The following USH2A variants were observed in gnomAD, a reference collection of about 807,000 sequenced individuals.
USH2A encodes Usher syndrome 2A (autosomal recessive, mild).
USH2A carries 443 observed loss-of-function variants against 538.9 expected under a neutral mutation model. That is an observed-to-expected ratio of 0.82 (90% CI 0.76 to 0.89). The LOEUF (loss-of-function observed/expected upper bound fraction) is 0.89. Among genes scored for constraint, USH2A ranks in the 40% least tolerant of loss-of-function variants. The pLI is 0.00. For missense variants in USH2A, 6,633 were observed against 6,324.8 expected (o/e 1.05, Z -1.65); for synonymous variants, 2,413 against 2,273.5 (o/e 1.06, Z -1.75).
At chr1:215,884,081 A>T (rs556122186) in intron 41 of USH2A, among the ~76,000 whole-genome samples, 7 of 152,202 alleles carry the variant, frequency 4.6e-5, no homozygotes, top group African/African-American at 4.8e-5. Flanking sequence ...GGTGGAGGGT[A>T]ACGGGAGGGA....
intron 61 of USH2A, 49 bp downstream of exon 61, chr1:215,727,981 G>A (rs777289288): frequency 1.4e-5 from 22 of 1,573,730 alleles, no homozygotes; most frequent in African/African-American, 2.7e-5. Context: ...TAATTTCAAC[G>A]TATTCACCAG....
intron 35 of USH2A, among the ~76,000 whole-genome samples, chr1:215,973,032 A>C (rs1667533028): frequency 6.6e-6 from 1 of 152,190 alleles, no homozygotes; most frequent in Admixed American, 6.5e-5. Flanking sequence ...TGACCAAAAA[A>C]TTCTTACATG....
chr1:216,361,879 A>G (rs932178446), intron 4 of USH2A, among the ~76,000 whole-genome samples: 1 of 152,214 alleles, frequency 6.6e-6, no homozygotes, highest in African/African-American at 2.4e-5. Context: ...AACACAAAAG[A>G]GTACCTACTT....
chr1:216,102,016 C>T (rs188642958), intron 21 of USH2A, among the ~76,000 whole-genome samples: 96 of 151,986 alleles, frequency 6.3e-4, no homozygotes, highest in African/African-American at 2.2e-3. Context: ...AATTCTTAAA[C>T]GATAAATGTG....
chr1:216,146,069 C>T (rs1278173065), intron 21 of USH2A, among the ~76,000 whole-genome samples: 4 of 152,178 alleles, frequency 2.6e-5, no homozygotes, highest in East Asian at 1.9e-4. Context: ...TGCTGTGACT[C>T]GGATCGGGGG....
At chr1:215,906,899 C>T (rs1665652226) in intron 38 of USH2A, among the ~76,000 whole-genome samples, 1 of 151,994 alleles carries the variant, frequency 6.6e-6, no homozygotes, top group Non-Finnish European at 1.5e-5. Flanking sequence ...ACAACAGAAT[C>T]TTAAAATCAG....
intron 21 of USH2A, among the ~76,000 whole-genome samples, chr1:216,116,723 G>A (rs76715675): frequency 0.021 from 3,148 of 152,150 alleles, 120 homozygotes; most frequent in African/African-American, 0.071. Context: ...CTACATTTTG[G>A]ATACAATATT....
intron 38 of USH2A, among the ~76,000 whole-genome samples, chr1:215,925,811 T>C (rs907863356): frequency 4.6e-5 from 7 of 152,188 alleles, no homozygotes; most frequent in Non-Finnish European, 7.3e-5. Flanking sequence ...TCTAAGTGGA[T>C]ACAGAGCAGA....
intron 21 of USH2A, among the ~76,000 whole-genome samples, chr1:216,113,137 T>TAAAAAA (rs71159901): frequency 1.3e-4 from 16 of 127,558 alleles, no homozygotes; most frequent in Non-Finnish European, 1.7e-4. Flanking sequence ...CTCCAAATGA[T>TAAAAAA]AAAAAAAAAA....
intron 62 of USH2A, among the ~76,000 whole-genome samples, chr1:215,678,751 C>T (rs933647027): frequency 1.3e-5 from 2 of 152,120 alleles, no homozygotes; most frequent in Admixed American, 6.6e-5. Context: ...CACTCACACA[C>T]GGTCTGTAAC....
intron 32 of USH2A, among the ~76,000 whole-genome samples, chr1:216,022,616 A>G (rs1004429778): frequency 6.6e-6 from 1 of 152,166 alleles, no homozygotes; most frequent in Admixed American, 6.5e-5. Flanking sequence ...CTCACTTAAG[A>G]AAGAGGGAGG....
rs999144790 is a variant in USH2A, at chr1:216,047,064, A to C, written c.6164-472T>G. 3.3e-5 allele frequency among the ~76,000 whole-genome samples: 5 copies of C among 152,296 alleles called. No individual in the cohort carries two copies. In the East Asian group the frequency reaches 9.6e-4, roughly 29 times the overall value. On this transcript the variant is annotated intron_variant, in intron 31 of 71. Coordinates refer to ENST00000307340, the MANE Select transcript of USH2A (RefSeq NM_206933.4). ...CAATTACATATGAAAACTTTAGTGC[A>C]TATTTTTTTAAAAAGAGCTGTGTAT...
At chr1:216,389,917 T>C (rs2039074690) in intron 3 of USH2A, among the ~76,000 whole-genome samples, 1 of 152,098 alleles carries the variant, frequency 6.6e-6, no homozygotes, top group Non-Finnish European at 1.5e-5. Flanking sequence ...GTGAACAAAA[T>C]AATAGTGACT....
At chr1:215,639,297 C>T in intron 68 of USH2A, 59 bp from the exon 69 acceptor site, 1 of 1,547,048 alleles carries the variant, frequency 6.5e-7, no homozygotes, top group Non-Finnish European at 8.9e-7. Context: ...AAATAGGGCA[C>T]ATGCTTTTAA....
intron 35 of USH2A, among the ~76,000 whole-genome samples, chr1:215,972,169 C>T (rs769065844): frequency 2.0e-5 from 3 of 152,104 alleles, no homozygotes; most frequent in Non-Finnish European, 4.4e-5. Context: ...TTGGGTTTTG[C>T]CAGTGGGAGG....
At chr1:215,864,079 C>G (rs1329036978) in intron 44 of USH2A, among the ~76,000 whole-genome samples, 1 of 152,188 alleles carries the variant, frequency 6.6e-6, no homozygotes, top group East Asian at 1.9e-4. Flanking sequence ...GGCACTATCT[C>G]TCCACTGTAC....
chr1:216,230,029 A>G lies in USH2A; in HGVS notation c.2993+1924T>C, dbSNP rs187139026. ...TCACTGAGCAGGCGTTTTGCTGATA[A>G]CCCTGGGAAGACTGACAAAGGGGAT... is the stretch of plus-strand genomic sequence containing the variant. On this transcript the variant is annotated intron_variant, in intron 14 of 71. Transcript: ENST00000307340. Among the ~76,000 whole-genome samples the G allele has an allele frequency of 4.9e-4, 74 of 152,284 alleles. 2 individuals are homozygous for G. Among genetic ancestry groups the G allele is most frequent in the Non-Finnish European group, 1.8e-4 (12 of 68,024 alleles).
chr1:215,982,488 G>A (rs918535692), intron 35 of USH2A, among the ~76,000 whole-genome samples: 7 of 152,152 alleles, frequency 4.6e-5, no homozygotes, highest in Non-Finnish European at 7.3e-5. Context: ...GTATTCCTCC[G>A]TGGCACACTA....
chr1:215,695,782 C>T (rs1658788288), intron 61 of USH2A, among the ~76,000 whole-genome samples: 1 of 152,148 alleles, frequency 6.6e-6, no homozygotes, highest in Admixed American at 6.5e-5. Flanking sequence ...GAGACAGAGT[C>T]TCTCTATTGC....
Sources: gnomAD v4.1 joint callset for allele counts (sites outside exome capture counted in the v4.1 genomes callset) on GRCh38, gnomAD v4.1.1 for gene constraint, MANE v1.5 for transcripts, NCBI Gene and HGNC (gene_info 2026-07-23, HGNC 2026-07-21) for gene names.